ZMIZ1: variants seen among roughly 807,000 people sequenced by gnomAD.
ZMIZ1 encodes the protein zinc finger MIZ-type containing 1, also known as zinc finger MIZ domain-containing protein 1.
In ZMIZ1, 17 loss-of-function variants were observed where a neutral mutation model predicts 113.9. That is an observed-to-expected ratio of 0.15 (90% confidence interval 0.10 to 0.22). ZMIZ1 has a LOEUF of 0.22. ZMIZ1 is among the 10% of genes least tolerant of loss of function. ZMIZ1 has a pLI of 1.00. For missense variants in ZMIZ1, 1,059 were observed against 1,477.8 expected (o/e 0.72, Z 4.65); for synonymous variants, 607 against 603.1 (o/e 1.01, Z -0.09).
intron 19 of ZMIZ1, among the ~76,000 whole-genome samples, chr10:79,304,490 T>C (rs759426127): frequency 6.6e-6 from 1 of 152,234 alleles, no homozygotes; most frequent in Non-Finnish European, 1.5e-5. Flanking sequence ...CACTGTCCAG[T>C]TCATGCCTCT....
At chr10:79,220,911 A>C (rs530402630) in intron 7 of ZMIZ1, among the ~76,000 whole-genome samples, 1 of 152,014 alleles carries the variant, frequency 6.6e-6, no homozygotes, top group East Asian at 1.9e-4. Flanking sequence ...GGCTGTGTAC[A>C]TGTACATGGC....
At chr10:79,196,907 G>A (rs983142803) in intron 4 of ZMIZ1, among the ~76,000 whole-genome samples, 1 of 152,254 alleles carries the variant, frequency 6.6e-6, no homozygotes, top group African/African-American at 2.4e-5. Flanking sequence ...AAGCCCACTC[G>A]AAGTCCATCC....
intron 20 of ZMIZ1, 107 bp from the exon 21 acceptor site, chr10:79,305,426 G>C (rs1378558201): frequency 7.4e-7 from 1 of 1,348,702 alleles, no homozygotes; most frequent in Non-Finnish European, 1.1e-6. Context: ...GCCTCCAGTA[G>C]TAACCAGCAG....
At chr10:79,198,002 G>A (rs892210632) in intron 4 of ZMIZ1, among the ~76,000 whole-genome samples, 3 of 152,190 alleles carry the variant, frequency 2.0e-5, no homozygotes, top group African/African-American at 7.2e-5. Context: ...GCTCACGCCT[G>A]TAATCCCAGC....
At chr10:79,203,834 C>T (rs1244169887) in intron 5 of ZMIZ1, among the ~76,000 whole-genome samples, 1 of 152,222 alleles carries the variant, frequency 6.6e-6, no homozygotes, top group East Asian at 1.9e-4. Context: ...AATTAATTCA[C>T]ATTCAACCAG....
chr10:79,190,354 G>A (rs1847547835), intron 4 of ZMIZ1, among the ~76,000 whole-genome samples: 1 of 152,168 alleles, frequency 6.6e-6, no homozygotes, highest in South Asian at 2.1e-4. Flanking sequence ...CCCTGCCTCG[G>A]ATCCACAGTG....
At chr10:79,202,189 G>GAAAAAAAAAAAAAA (rs58021590) in intron 5 of ZMIZ1, among the ~76,000 whole-genome samples, 23 of 52,638 alleles carry the variant, frequency 4.4e-4, no homozygotes, top group Middle Eastern at 0.014. Context: ...CCCTGTCTCA[G>GAAAAAAAAAAAAAA]AAAAAAAAAA....
intron 1 of ZMIZ1, among the ~76,000 whole-genome samples, chr10:79,073,959 A>G (rs1017077600): frequency 1.8e-4 from 28 of 152,328 alleles, no homozygotes; most frequent in African/African-American, 6.7e-4. Context: ...CCCACAGTCC[A>G]GTGCCGGCAG....
chr10:79,232,160 C>T (rs1211103035), intron 7 of ZMIZ1, among the ~76,000 whole-genome samples: 1 of 152,172 alleles, frequency 6.6e-6, no homozygotes, highest in Non-Finnish European at 1.5e-5. Context: ...AACTGTAACC[C>T]TCGTTTGGTG....
At chr10:79,109,399 C>T (rs1170855946) in intron 1 of ZMIZ1, among the ~76,000 whole-genome samples, 1 of 152,240 alleles carries the variant, frequency 6.6e-6, no homozygotes, top group Non-Finnish European at 1.5e-5. Flanking sequence ...GCTGCCCCCG[C>T]CTGATCATTA....
At position 79,312,896 on chromosome 10, in the gene ZMIZ1, C is replaced by A; in HGVS notation, c.*147C>A. 1 of 696,298 alleles carries A rather than the reference C, an allele frequency of 1.4e-6. No homozygotes were observed. The highest frequency in any genetic ancestry group is 2.4e-6 in the Non-Finnish European group (1 of 417,430). 43.1% of individuals were successfully genotyped at this position (696,298 alleles called of 1,614,324 possible). A position where few individuals can be genotyped will look rare whatever the true frequency, so the allele number is the denominator to read the frequency against. On this transcript the variant is annotated 3_prime_UTR_variant, in exon 25 of 25. Coordinates refer to ENST00000334512, the MANE Select transcript of ZMIZ1 (RefSeq NM_020338.4). ...CGGGGAGCCCTCCCCCGCTGCAGCC[C>A]TCTCAGAACAGAGGGGTAGGGAGGG...
chr10:79,084,596 A>G (rs368285303), intron 1 of ZMIZ1, among the ~76,000 whole-genome samples: 2 of 152,172 alleles, frequency 1.3e-5, no homozygotes, highest in Non-Finnish European at 2.9e-5. Flanking sequence ...TACCCCATCA[A>G]TAAGATGCAG....
chr10:79,087,404 G>A (rs1842852237), intron 1 of ZMIZ1, among the ~76,000 whole-genome samples: 1 of 152,200 alleles, frequency 6.6e-6, no homozygotes, highest in Admixed American at 6.5e-5. Context: ...GTGACATTGG[G>A]TGTCCATGTC....
At chr10:79,235,721 A>G (rs2132802935) in intron 7 of ZMIZ1, among the ~76,000 whole-genome samples, 1 of 152,362 alleles carries the variant, frequency 6.6e-6, no homozygotes, top group African/African-American at 2.4e-5. Flanking sequence ...ACCGGGTAGG[A>G]TGGACCCATC....
intron 2 of ZMIZ1, among the ~76,000 whole-genome samples, chr10:79,131,553 A>T (rs1190476842): frequency 6.6e-6 from 1 of 152,154 alleles, no homozygotes; most frequent in Non-Finnish European, 1.5e-5. Flanking sequence ...TGCAGCACAA[A>T]TGCCATTGAT....
intron 2 of ZMIZ1, among the ~76,000 whole-genome samples, chr10:79,120,361 A>G (rs7903880): frequency 0.14 from 22,003 of 152,168 alleles, 1,871 homozygotes; most frequent in South Asian, 0.28. Flanking sequence ...ATTCTGACAC[A>G]CGGGGCTGCA....
At position 79,271,192 on chromosome 10, in the gene ZMIZ1, C is replaced by T. The variant is rs368662617; in HGVS notation, c.281-5989C>T. On this transcript the variant is annotated intron_variant, in intron 7 of 24. Transcript: ENST00000334512. Reference sequence around the variant, plus strand: ...CCATCTCCATGAACTTCTGGAGCTTCGTGCCTGCCCAGGCCCTTTGTCTCA... The same window carrying T: ...CCATCTCCATGAACTTCTGGAGCTTTGTGCCTGCCCAGGCCCTTTGTCTCA... Among the ~76,000 whole-genome samples, 218 of 152,316 alleles carry T rather than the reference C, an allele frequency of 1.4e-3. 2 individuals carry two copies. Among genetic ancestry groups the T allele is most frequent in the African/African-American group, 4.8e-3 (199 of 41,558 alleles).
intron 7 of ZMIZ1, among the ~76,000 whole-genome samples, chr10:79,270,727 G>A (rs1851895977): frequency 6.6e-6 from 1 of 152,160 alleles, no homozygotes; most frequent in African/African-American, 2.4e-5. Context: ...CCTTCTGCTG[G>A]CCCCTCAGGG....
intron 4 of ZMIZ1, among the ~76,000 whole-genome samples, chr10:79,169,076 G>C (rs940878992): frequency 6.6e-6 from 1 of 152,174 alleles, no homozygotes; most frequent in African/African-American, 2.4e-5. Context: ...ACCTCTGTTG[G>C]AGCCTAGGGG....
Sources: allele counts gnomAD v4.1 joint callset (sites outside exome capture counted in the v4.1 genomes callset), GRCh38; gene constraint gnomAD v4.1.1; transcripts MANE v1.5; gene names NCBI Gene and HGNC (gene_info 2026-07-23, HGNC 2026-07-21).